The following TBX20 variants were observed in gnomAD, a reference collection of about 807,000 sequenced individuals.
The protein encoded by TBX20 is T-box transcription factor 20.
A neutral mutation model predicts 42.9 loss-of-function variants in TBX20; 8 were observed. That is an observed-to-expected ratio of 0.19 (90% confidence interval 0.11 to 0.34). TBX20 has a LOEUF of 0.34. TBX20 is among the 10% of genes least tolerant of loss of function. The pLI, the probability that TBX20 is intolerant of heterozygous loss-of-function variation, is 1.00. For synonymous variants in TBX20, 198 were observed against 222.8 expected (o/e 0.89, Z 0.99); for missense variants, 411 against 566.0 (o/e 0.73, Z 2.78).
At chr7:35,248,961 C>G in intron 2 of TBX20, 120 bp from the exon 3 acceptor site, 1 of 1,178,584 alleles carries the variant, frequency 8.5e-7, no homozygotes, top group Non-Finnish European at 1.2e-6. Flanking sequence ...CCTCTCTATC[C>G]GGTCCACAAA....
At chr7:35,234,861 T>C (rs938853978) in intron 5 of TBX20, among the ~76,000 whole-genome samples, 1 of 152,192 alleles carries the variant, frequency 6.6e-6, no homozygotes, top group Non-Finnish European at 1.5e-5. Context: ...TACACATTCC[T>C]GAACAGCTTT....
At chr7:35,216,827 A>G (rs905306217) in intron 6 of TBX20, among the ~76,000 whole-genome samples, 7 of 152,172 alleles carry the variant, frequency 4.6e-5, no homozygotes, top group Admixed American at 4.6e-4. Context: ...ATGAAAATCA[A>G]ATATAATTTA....
chr7:35,206,206 C>T (rs928440975), intron 6 of TBX20, among the ~76,000 whole-genome samples: 36 of 152,174 alleles, frequency 2.4e-4, no homozygotes, highest in African/African-American at 8.2e-4. Flanking sequence ...AACAAACAAA[C>T]TATATTGAGA....
At chr7:35,238,123 C>T (rs1179434824) in intron 5 of TBX20, among the ~76,000 whole-genome samples, 1 of 152,090 alleles carries the variant, frequency 6.6e-6, no homozygotes, top group Non-Finnish European at 1.5e-5. Context: ...AATAAAAATA[C>T]GATTGTTCCT....
rs111429982 is a variant in TBX20 at position 35,253,815 on chromosome 7, G to A, written c.-195C>T. 1.5e-6 allele frequency: 1 copy of A among 665,176 alleles called. No individual in the cohort carries two copies. Among genetic ancestry groups the A allele is most frequent in the Non-Finnish European group, 2.5e-6 (1 of 404,640 alleles). The allele number at this position is 665,176 out of a possible 1,614,324, so 41.2% of individuals were successfully genotyped here. A position where few individuals can be genotyped will look rare whatever the true frequency, so the allele number is the denominator to read the frequency against. ...CTCTATTCCCCACCGCAAAGCCCCAGAGCCGCAGAGACTTCGAAGGCAGCC... is the reference window on the plus strand; with the variant it reads ...CTCTATTCCCCACCGCAAAGCCCCAAAGCCGCAGAGACTTCGAAGGCAGCC... On this transcript the variant is annotated 5_prime_UTR_variant, in exon 1 of 8. Coordinates refer to ENST00000408931, the MANE Select transcript of TBX20 (RefSeq NM_001077653.2).
intron 5 of TBX20, among the ~76,000 whole-genome samples, chr7:35,240,256 T>C (rs1281892813): frequency 6.6e-6 from 1 of 152,188 alleles, no homozygotes; most frequent in East Asian, 1.9e-4. Context: ...CCTTTGAGTG[T>C]CATGTCAATG....
intron 1 of TBX20, among the ~76,000 whole-genome samples, chr7:35,252,380 ATTT>A (rs10713208): frequency 1.4e-5 from 2 of 145,956 alleles, no homozygotes; most frequent in Admixed American, 6.8e-5. Context: ...TAGAGGACAG[ATTT>A]TTTTTTTTTT....
In TBX20 at chr7:35,211,104, C is replaced by A. The variant is rs1584341192; in HGVS notation, c.891-6522G>T. 2.6e-5 allele frequency among the ~76,000 whole-genome samples: 4 copies of A among 152,134 alleles called. No homozygotes were observed. In the East Asian group the frequency reaches 7.7e-4, roughly 29 times the overall value. The stretch of plus-strand genomic sequence containing the variant: ...AATATCTTTAAGTTGTCACAATCTA[C>A]CTTCAAGTGATACTAAATCTTTCAA... On this transcript the variant is annotated intron_variant, in intron 6 of 7. Transcript: ENST00000408931.
chr7:35,221,879 A>G (rs1018909836), intron 6 of TBX20, among the ~76,000 whole-genome samples: 2 of 152,204 alleles, frequency 1.3e-5, no homozygotes, highest in African/African-American at 4.8e-5. Flanking sequence ...AAAATAATTT[A>G]AGAAAGATGA....
rs143151295 is a variant in TBX20 at position 35,242,238 on chromosome 7, G to A, written c.655-1201C>T. ...TGATATATAATCGCTCGCTCTCTGTGCTGAGATGTAAGCCAGCCTAAAGTT... is the reference window on the plus strand; with the variant it reads ...TGATATATAATCGCTCGCTCTCTGTACTGAGATGTAAGCCAGCCTAAAGTT... On this transcript the variant is annotated intron_variant, in intron 4 of 7. Coordinates refer to ENST00000408931, the MANE Select transcript of TBX20 (RefSeq NM_001077653.2). 5.5e-3 allele frequency among the ~76,000 whole-genome samples: 833 copies of A among 152,294 alleles called. 2 individuals carry two copies. Among genetic ancestry groups the A allele is most frequent in the Non-Finnish European group, 7.7e-3 (526 of 68,014 alleles).
intron 4 of TBX20, among the ~76,000 whole-genome samples, chr7:35,241,526 C>T (rs1285184444): frequency 6.6e-6 from 1 of 152,156 alleles, no homozygotes; most frequent in Non-Finnish European, 1.5e-5. Flanking sequence ...AGTTTCTAGT[C>T]CTTTAATCCT....
chr7:35,227,164 A>G (rs1416560847), intron 6 of TBX20, among the ~76,000 whole-genome samples: 3 of 152,168 alleles, frequency 2.0e-5, no homozygotes, highest in Non-Finnish European at 4.4e-5. Flanking sequence ...ACAGTTGTAC[A>G]ATGTGTATGT....
intron 6 of TBX20, among the ~76,000 whole-genome samples, chr7:35,215,442 T>C (rs1337436106): frequency 2.0e-5 from 3 of 152,186 alleles, no homozygotes; most frequent in Non-Finnish European, 1.5e-5. Context: ...GGAAGCCCAC[T>C]GTGAGAATTT....
intron 4 of TBX20, 71 bp downstream of exon 4, chr7:35,244,878 A>C: frequency 9.2e-7 from 1 of 1,091,788 alleles, no homozygotes. Context: ...AGGGACTCAG[A>C]GAGAGACAGT....
chr7:35,253,400 C>G, intron 1 of TBX20, 94 bp downstream of exon 1: 1 of 1,435,510 alleles, frequency 7.0e-7, no homozygotes, highest in Non-Finnish European at 9.5e-7. Context: ...ATGGCTTGAG[C>G]ATCAGACGTT....
intron 6 of TBX20, among the ~76,000 whole-genome samples, chr7:35,226,842 G>A (rs188376179): frequency 1.5e-4 from 23 of 151,934 alleles, no homozygotes; most frequent in African/African-American, 1.2e-4. Flanking sequence ...ATTATTTCAC[G>A]GTGTACTCCT....
chr7:35,250,652 A>T (rs1790288573), intron 1 of TBX20, among the ~76,000 whole-genome samples: 1 of 152,144 alleles, frequency 6.6e-6, no homozygotes, highest in Non-Finnish European at 1.5e-5. Context: ...AGAGATCAGC[A>T]CCTTCCTCAC....
At position 35,253,613 on chromosome 7, in the gene TBX20, A is replaced by C; in HGVS notation, c.8T>G (p.Phe3Cys). The part of the protein sequence containing the change: ME[F>C]TASPKPQLSS... The stretch of plus-strand genomic sequence containing the variant: ...GAGTTGGGGCTTGGGGGACGCCGTG[A>C]ACTCCATGGTCCCCAGCACGCGGTC... Residue 3 changes from phenylalanine to cysteine, a missense_variant, in exon 1 of 8, where the codon TTC becomes TGC. Physicochemically the swap from Phe to Cys is radical, Grantham distance 205 (BLOSUM62 -2). Around this residue, in one of 5 missense-constraint regions of TBX20, gnomAD observed 114 missense variants for 128.0 expected, o/e 0.89. Coordinates refer to ENST00000408931, the MANE Select transcript of TBX20 (RefSeq NM_001077653.2). The C allele has an allele frequency of 6.2e-7, 1 of 1,611,762 alleles. No individual in the cohort carries two copies. The highest frequency in any genetic ancestry group is 8.5e-7 in the Non-Finnish European group (1 of 1,179,980).
intron 4 of TBX20, among the ~76,000 whole-genome samples, chr7:35,243,752 T>C (rs1159039250): frequency 6.6e-6 from 1 of 152,144 alleles, no homozygotes; most frequent in East Asian, 1.9e-4. Context: ...ATCAACTATC[T>C]TTCTTTTTCA....
Sources: allele counts gnomAD v4.1 joint callset (sites outside exome capture counted in the v4.1 genomes callset), GRCh38; gene constraint gnomAD v4.1.1; regional missense constraint gnomAD v4.1.1; transcripts MANE v1.5; gene names NCBI Gene and HGNC (gene_info 2026-07-23, HGNC 2026-07-21).